Variants in CLYBL observed in about 807,000 individuals in gnomAD.
The protein encoded by CLYBL is citramalyl-CoA lyase, mitochondrial.
A neutral mutation model predicts 38.9 loss-of-function variants in CLYBL; 31 were observed. The ratio of observed to expected loss-of-function variants is 0.80; its 90% confidence interval spans 0.60 to 1.08. The LOEUF (loss-of-function observed/expected upper bound fraction) is 1.08. CLYBL is among the 50% of genes least tolerant of loss of function. The pLI, the probability that CLYBL is intolerant of heterozygous loss-of-function variation, is 0.00. For missense variants in CLYBL, 434 were observed against 411.6 expected, an observed-to-expected ratio of 1.05 and a Z score of -0.47; for synonymous variants, 171 against 158.6, an observed-to-expected ratio of 1.08 and a Z score of -0.59.
intron 1 of CLYBL, among the ~76,000 whole-genome samples, chr13:99,764,937 C>T (rs2049239174): frequency 6.6e-6 from 1 of 152,044 alleles, no homozygotes; most frequent in South Asian, 2.1e-4. Context: ...AATCCTGCTG[C>T]CTCGACCTCC....
At chr13:99,671,041 T>C (rs914885940) in intron 1 of CLYBL, among the ~76,000 whole-genome samples, 1 of 152,224 alleles carries the variant, frequency 6.6e-6, no homozygotes, top group African/African-American at 2.4e-5. Context: ...GCTGCCCTTA[T>C]GACACACCGG....
chr13:99,863,403 T>C (rs2051658675), intron 4 of CLYBL, among the ~76,000 whole-genome samples: 1 of 152,254 alleles, frequency 6.6e-6, no homozygotes, highest in African/African-American at 2.4e-5. Context: ...ATTGCATTTA[T>C]AGACTAAATG....
chr13:99,659,342 A>G (rs1480361826), intron 1 of CLYBL, among the ~76,000 whole-genome samples: 1 of 152,190 alleles, frequency 6.6e-6, no homozygotes, highest in Non-Finnish European at 1.5e-5. Context: ...GATTTCACAC[A>G]GGAGCATTCA....
chr13:99,672,273 C>T (rs2047577336), intron 1 of CLYBL, among the ~76,000 whole-genome samples: 1 of 149,454 alleles, frequency 6.7e-6, no homozygotes, highest in African/African-American at 2.5e-5. Flanking sequence ...GTGTTGCAGT[C>T]ATAGCTCACT....
At chr13:99,669,339 G>T (rs1049775711) in intron 1 of CLYBL, among the ~76,000 whole-genome samples, 3 of 152,120 alleles carry the variant, frequency 2.0e-5, no homozygotes, top group Admixed American at 6.6e-5. Context: ...GGCATTAGGG[G>T]CATGGAGACA....
chr13:99,631,938 A>G (rs183328446), intron 1 of CLYBL, among the ~76,000 whole-genome samples: 295 of 152,308 alleles, frequency 1.9e-3, no homozygotes, highest in Non-Finnish European at 2.3e-3. Context: ...GTAAGTCACC[A>G]GAAAGCAAGC....
intron 1 of CLYBL, among the ~76,000 whole-genome samples, chr13:99,632,517 G>A (rs1366616772): frequency 3.3e-5 from 5 of 152,308 alleles, no homozygotes; most frequent in East Asian, 3.9e-4. Flanking sequence ...CAAGGCAGAC[G>A]GATTGCCTGA....
chr13:99,725,805 G>A (rs909005584), intron 1 of CLYBL, among the ~76,000 whole-genome samples: 31 of 152,180 alleles, frequency 2.0e-4, no homozygotes, highest in Admixed American at 1.0e-3. Flanking sequence ...TGGTGTTTGC[G>A]TAAATCCCCT....
chr13:99,816,573 G>T (rs12429300), intron 2 of CLYBL, among the ~76,000 whole-genome samples: 38 of 152,336 alleles, frequency 2.5e-4, no homozygotes, highest in Admixed American at 7.2e-4. Context: ...TGGGGCCTTT[G>T]AGGAGTGATT....
Position 99,836,267 on chromosome 13 carries a change from A to ATGTC in CLYBL, c.250-22592_250-22589dup, listed in dbSNP as rs371685357. On this transcript the variant is annotated intron_variant, in intron 2 of 8. Coordinates refer to ENST00000339105, the MANE Select transcript of CLYBL (RefSeq NM_206808.5). Reference sequence around the variant, plus strand: ...GAGGACAGAGACGCAGATCTAGAAGATGTCTCCCTCTACCCCTGGCCCTGC... The same window carrying ATGTC: ...GAGGACAGAGACGCAGATCTAGAAGATGTCTGTCTCCCTCTACCCCTGGCCCTGC... Among the ~76,000 whole-genome samples the ATGTC allele has an allele frequency of 5.9e-3, 899 of 152,180 alleles. 12 individuals carry two copies. Among genetic ancestry groups the ATGTC allele is most frequent in the African/African-American group, 0.019 (802 of 41,512 alleles).
At position 99,621,310 on chromosome 13, in the gene CLYBL, C is replaced by T. The variant is rs148215902; in HGVS notation, c.62+14553C>T. ...TCCATCTTTCCATTTCCCCCCAGGC[C>T]GCTTACCTGTGGCCCACATGCACCA... is the stretch of plus-strand genomic sequence containing the variant. On this transcript the variant is annotated intron_variant, in intron 1 of 8. Coordinates refer to ENST00000339105, the MANE Select transcript of CLYBL (RefSeq NM_206808.5). Among the ~76,000 whole-genome samples the T allele has an allele frequency of 5.0e-3, 755 of 152,210 alleles. 7 individuals carry two copies. Among genetic ancestry groups the T allele is most frequent in the Non-Finnish European group, 7.4e-3 (502 of 67,982 alleles).
rs2051827221 is a variant in CLYBL, at chr13:99,869,316, T to G, written c.803-1622T>G. ...CCATGAAATCTGGCTTTTTACGCAT[T>G]GGTGTAAATTATGTACATAAATTAT... On this transcript the variant is annotated intron_variant, in intron 6 of 8. Transcript: ENST00000339105. This position sits in a 1 kb window ranked among gnomAD's most constrained non-coding sequence, Gnocchi z 4.3. Among the ~76,000 whole-genome samples, 3 of 152,150 alleles carry G rather than the reference T, an allele frequency of 2.0e-5. No individual in the cohort carries two copies. Among genetic ancestry groups the G allele is most frequent in the Admixed American group, 2.0e-4 (3 of 15,270 alleles).
chr13:99,640,403 T>C (rs1274779008), intron 1 of CLYBL, among the ~76,000 whole-genome samples: 1 of 152,256 alleles, frequency 6.6e-6, no homozygotes, highest in Non-Finnish European at 1.5e-5. Flanking sequence ...GTATCAGATA[T>C]CCTTTTGTGT....
intron 1 of CLYBL, among the ~76,000 whole-genome samples, chr13:99,609,151 G>C (rs1594080586): frequency 7.6e-6 from 1 of 132,076 alleles, no homozygotes; most frequent in African/African-American, 2.9e-5. Flanking sequence ...GCTGGACAAT[G>C]TCAATTGACC....
chr13:99,786,131 T>G (rs1389178175), intron 2 of CLYBL, among the ~76,000 whole-genome samples: 1 of 152,078 alleles, frequency 6.6e-6, no homozygotes. Context: ...TCTTTCTATT[T>G]CTGCCAGACC....
intron 1 of CLYBL, among the ~76,000 whole-genome samples, chr13:99,634,364 G>C (rs965734026): frequency 3.3e-5 from 5 of 152,106 alleles, no homozygotes; most frequent in African/African-American, 1.2e-4. Context: ...ATTTCTTTAG[G>C]CTTAAGGGAA....
intron 1 of CLYBL, among the ~76,000 whole-genome samples, chr13:99,630,543 T>C (rs1175760138): frequency 6.6e-6 from 1 of 152,162 alleles, no homozygotes; most frequent in East Asian, 1.9e-4. Flanking sequence ...TTGACTAAAG[T>C]AGTTCTGAAT....
chr13:99,841,579 T>C (rs924277512), intron 2 of CLYBL, among the ~76,000 whole-genome samples: 2 of 151,870 alleles, frequency 1.3e-5, no homozygotes, highest in Admixed American at 6.6e-5. Flanking sequence ...TTTATATTTT[T>C]AGTAGAGATG....
intron 1 of CLYBL, among the ~76,000 whole-genome samples, chr13:99,751,202 C>T (rs899321667): frequency 1.6e-4 from 24 of 151,794 alleles, no homozygotes; most frequent in Non-Finnish European, 1.3e-4. Flanking sequence ...TACGCTATAA[C>T]ATGGTTGAAG....
Sources: gnomAD v4.1 joint callset for allele counts (sites outside exome capture counted in the v4.1 genomes callset) on GRCh38, gnomAD v4.1.1 for gene constraint, Gnocchi (gnomAD v3.1) non-coding constraint, MANE v1.5 for transcripts, NCBI Gene and HGNC (gene_info 2026-07-23, HGNC 2026-07-21) for gene names.